Variants in VIT observed in about 807,000 individuals in gnomAD.
The protein encoded by VIT is vitrin.
A neutral mutation model predicts 78.0 loss-of-function variants in VIT; 99 were observed. The ratio of observed to expected loss-of-function variants is 1.27; its 90% CI spans 1.08 to 1.50. The LOEUF is 1.50. Ranked by LOEUF, VIT falls within the 40% of genes most tolerant of loss-of-function variation. The pLI, the probability that VIT is intolerant of heterozygous loss-of-function variation, is 0.00. For synonymous variants in VIT, 374 were observed against 334.3 expected, an observed-to-expected ratio of 1.12 and a Z score of -1.29; for missense variants, 1,126 against 875.3, an observed-to-expected ratio of 1.29 and a Z score of -3.61.
chr2:36,773,676 A>G (rs1669887712), intron 7 of VIT, 115 bp from the exon 8 acceptor site: 2 of 880,750 alleles, frequency 2.3e-6, no homozygotes, highest in African/African-American at 1.8e-5. Flanking sequence ...GTGAGCTGAG[A>G]TCGCACCACT....
chr2:36,703,793 A>G (rs1385493508), intron 1 of VIT, among the ~76,000 whole-genome samples: 2 of 152,218 alleles, frequency 1.3e-5, no homozygotes, highest in East Asian at 3.8e-4. Flanking sequence ...CATCTTGTAC[A>G]GTGGGAAAAT....
At chr2:36,732,644 T>C (rs1667279188) in intron 3 of VIT, among the ~76,000 whole-genome samples, 1 of 152,190 alleles carries the variant, frequency 6.6e-6, no homozygotes, top group African/African-American at 2.4e-5. Context: ...GCTGGCCAAG[T>C]ACCAGGCACT....
intron 15 of VIT, among the ~76,000 whole-genome samples, chr2:36,811,701 T>G (rs1024319855): frequency 3.3e-5 from 5 of 151,656 alleles, no homozygotes; most frequent in Non-Finnish European, 5.9e-5. Flanking sequence ...AGACGGAGTT[T>G]CGCTCTGGTT....
intron 4 of VIT, among the ~76,000 whole-genome samples, chr2:36,747,237 G>A (rs1341890085): frequency 6.6e-6 from 1 of 152,096 alleles, no homozygotes; most frequent in Non-Finnish European, 1.5e-5. Flanking sequence ...CAATCATAGA[G>A]TATGTTCTAT....
At chr2:36,787,659 G>T in intron 12 of VIT, 1 of 335,816 alleles carries the variant, frequency 3.0e-6, no homozygotes, top group Non-Finnish European at 5.7e-6. Context: ...GGTTGGATCT[G>T]CTTTCAACCC....
rs148854739 is a variant in VIT at position 36,765,065 on chromosome 2, C to G, written c.488-2029C>G. 2.3e-3 allele frequency among the ~76,000 whole-genome samples: 343 copies of G among 152,172 alleles called. 4 individuals carry two copies. Among genetic ancestry groups the G allele is most frequent in the African/African-American group, 7.9e-3 (326 of 41,486 alleles). On this transcript the variant is annotated intron_variant, in intron 6 of 15. Transcript: ENST00000379242. Reference sequence around the variant, plus strand: ...GATATCCATGTCCTAATCCCTGGAACCATTGAATGTTTCCTTATATGGAAA... The same window carrying G: ...GATATCCATGTCCTAATCCCTGGAAGCATTGAATGTTTCCTTATATGGAAA...
chr2:36,797,246 G>A (rs898758375), intron 12 of VIT, among the ~76,000 whole-genome samples: 46 of 152,256 alleles, frequency 3.0e-4, no homozygotes, highest in South Asian at 2.7e-3. Context: ...ACAATTAGAC[G>A]TCTTGGAAGA....
At chr2:36,745,043 G>T (rs1668054922) in intron 4 of VIT, among the ~76,000 whole-genome samples, 1 of 152,112 alleles carries the variant, frequency 6.6e-6, no homozygotes, top group Non-Finnish European at 1.5e-5. Context: ...TGGATAGCCA[G>T]TTATCCCCAG....
chr2:36,773,723 C>A (rs1353034275), intron 7 of VIT, 68 bp from the exon 8 acceptor site: 3 of 1,362,180 alleles, frequency 2.2e-6, no homozygotes, highest in South Asian at 1.8e-5. Flanking sequence ...GACTCCGACT[C>A]AAAAATAAAT....
intron 14 of VIT, among the ~76,000 whole-genome samples, chr2:36,806,707 C>G (rs867931035): frequency 2.0e-5 from 3 of 152,080 alleles, no homozygotes; most frequent in Non-Finnish European, 2.9e-5. Flanking sequence ...CCACCACGCC[C>G]AGCTAGTTTT....
intron 1 of VIT, 92 bp from the exon 2 acceptor site, chr2:36,716,261 C>T: frequency 9.9e-7 from 1 of 1,013,600 alleles, no homozygotes; most frequent in Non-Finnish European, 1.5e-6. Flanking sequence ...GAGGGCAATG[C>T]AAAATGATGC....
In VIT at chr2:36,731,782, A is replaced by G. The variant is rs183898300; in HGVS notation, c.118+2291A>G. Among the ~76,000 whole-genome samples the G allele has an allele frequency of 5.9e-5, 9 of 152,372 alleles. No individual in the cohort carries two copies. In the East Asian group the frequency reaches 1.7e-3, roughly 29 times the overall value. ...AGTTAAAGTGTGTTTATAAAGAACCATAAAAAAGGCTTTAGATGCAGTCAA... is the reference window on the plus strand; with the variant it reads ...AGTTAAAGTGTGTTTATAAAGAACCGTAAAAAAGGCTTTAGATGCAGTCAA... On this transcript the variant is annotated intron_variant, in intron 3 of 15. Coordinates refer to ENST00000379242, the MANE Select transcript of VIT (RefSeq NM_053276.4).
chr2:36,755,955 A>ATTTTTT lies in VIT; in HGVS notation c.409+915_409+920dup, dbSNP rs58344336. On this transcript the variant is annotated intron_variant, in intron 5 of 15. Transcript: ENST00000379242. The stretch of plus-strand genomic sequence containing the variant: ...CGGTAGTGCTTGAGGACAACACAGT[A>ATTTTTT]TTTTTTTTTTTTTTTTTTTGAGACG... 7.7e-3 allele frequency among the ~76,000 whole-genome samples: 839 copies of ATTTTTT among 108,576 alleles called. 48 individuals are homozygous for ATTTTTT. Among genetic ancestry groups the ATTTTTT allele is most frequent in the African/African-American group, 0.011 (317 of 28,460 alleles). The allele number at this position is 108,576 out of a possible 152,430, so 71.2% of individuals were successfully genotyped here.
intron 12 of VIT, among the ~76,000 whole-genome samples, chr2:36,788,401 C>T (rs1665256218): frequency 6.6e-6 from 1 of 152,206 alleles, no homozygotes; most frequent in African/African-American, 2.4e-5. Context: ...TAAGAACCTA[C>T]ATTTGTGTTT....
At chr2:36,800,469 G>A (rs892530367) in intron 12 of VIT, among the ~76,000 whole-genome samples, 1 of 152,238 alleles carries the variant, frequency 6.6e-6, no homozygotes, top group Admixed American at 6.5e-5. Flanking sequence ...ACTATGCCAA[G>A]CCTGGGCCTT....
At chr2:36,749,474 A>G (rs1039361513) in intron 4 of VIT, among the ~76,000 whole-genome samples, 4 of 152,236 alleles carry the variant, frequency 2.6e-5, no homozygotes, top group African/African-American at 9.6e-5. Context: ...TGCTTACTTA[A>G]TATCTTTGGC....
At chr2:36,739,970 A>C (rs1364086327) in intron 3 of VIT, among the ~76,000 whole-genome samples, 1 of 152,008 alleles carries the variant, frequency 6.6e-6, no homozygotes, top group Non-Finnish European at 1.5e-5. Flanking sequence ...CTTACAAATA[A>C]TTTTTCACCT....
At chr2:36,742,983 G>C in intron 3 of VIT, 117 bp from the exon 4 acceptor site, 2 of 1,296,844 alleles carry the variant, frequency 1.5e-6, no homozygotes, top group Non-Finnish European at 2.1e-6. Context: ...AGGGGATGTA[G>C]AGTCGGCCCA....
At chr2:36,716,480 G>C in intron 2 of VIT, 58 bp downstream of exon 2, 6 of 1,544,064 alleles carry the variant, frequency 3.9e-6, no homozygotes, top group Non-Finnish European at 5.4e-6. Context: ...AAGATCCAAA[G>C]AATCTAGCCA....
Sources: gnomAD v4.1 joint callset for allele counts (sites outside exome capture counted in the v4.1 genomes callset) on GRCh38, gnomAD v4.1.1 for gene constraint, MANE v1.5 for transcripts, NCBI Gene and HGNC (gene_info 2026-07-23, HGNC 2026-07-21) for gene names.